CRB1: variants seen among roughly 807,000 people sequenced by gnomAD.
The protein encoded by CRB1 is crumbs cell polarity complex component 1.
A neutral mutation model predicts 120.0 loss-of-function variants in CRB1; 83 were observed. The ratio of observed to expected loss-of-function variants is 0.69; its 90% CI spans 0.58 to 0.83. The LOEUF is 0.83. CRB1 is among the 40% of genes least tolerant of loss of function. CRB1 has a pLI of 0.00. For missense variants in CRB1, 1,699 were observed against 1,687.6 expected, an observed-to-expected ratio of 1.01 and a Z score of -0.12; for synonymous variants, 625 against 612.5, an observed-to-expected ratio of 1.02 and a Z score of -0.30.
chr1:197,223,350 T>C, the CRB1 span: 1 of 530,986 alleles, frequency 1.9e-6, no homozygotes, highest in South Asian at 2.2e-5. Context: ...TAGCATACTT[T>C]AAATTTATTA....
chr1:197,250,983 T>C, the CRB1 span, among the ~76,000 whole-genome samples: 1 of 152,108 alleles, frequency 6.6e-6, no homozygotes, highest in Non-Finnish European at 1.5e-5. Context: ...TTACTTTATA[T>C]TGAAGTTTTA....
intron 1 of CRB1, among the ~76,000 whole-genome samples, chr1:197,299,026 A>G (rs1320110691): frequency 1.3e-5 from 2 of 152,156 alleles, no homozygotes; most frequent in East Asian, 1.9e-4. Context: ...TAAATTAACT[A>G]TAATAGTCAA....
chr1:197,389,122 T>C (rs1482332275), intron 5 of CRB1, among the ~76,000 whole-genome samples: 4 of 152,124 alleles, frequency 2.6e-5, no homozygotes, highest in South Asian at 2.1e-4. Context: ...CAAGGTATCA[T>C]GGTGAAATGC....
the CRB1 span, chr1:197,222,426 C>T: frequency 1.8e-5 from 14 of 768,304 alleles, no homozygotes; most frequent in South Asian, 1.2e-4. Flanking sequence ...TCATCGTCCT[C>T]GGGCTACCGT....
chr1:197,235,180 G>A, the CRB1 span, among the ~76,000 whole-genome samples: 4 of 152,118 alleles, frequency 2.6e-5, no homozygotes, highest in Non-Finnish European at 5.9e-5. Flanking sequence ...CAGAGACTCG[G>A]TAGGGGAACT....
chr1:197,221,649 A>G, the CRB1 span, among the ~76,000 whole-genome samples: 1 of 152,178 alleles, frequency 6.6e-6, no homozygotes, highest in African/African-American at 2.4e-5. Flanking sequence ...ATGCCTTCAT[A>G]TTTCTTGCAG....
chr1:197,349,852 G>A (rs949025266), intron 4 of CRB1, among the ~76,000 whole-genome samples: 5 of 152,056 alleles, frequency 3.3e-5, no homozygotes, highest in Non-Finnish European at 7.4e-5. Flanking sequence ...TGTAATCCCA[G>A]CACTTTGGGA....
At chr1:197,421,992 A>G (rs756712415) in intron 6 of CRB1, 36 bp downstream of exon 6, 1 of 1,598,214 alleles carries the variant, frequency 6.3e-7, no homozygotes, top group South Asian at 1.1e-5. Context: ...TAGGAGTGCC[A>G]TGCCTCAGAG....
At chr1:197,330,792 AC>A (rs71750942) in intron 2 of CRB1, among the ~76,000 whole-genome samples, 107,687 of 150,618 alleles carry the variant, frequency 0.71, 38,469 homozygotes, top group East Asian at 0.94. Context: ...ATGTTTTTGC[AC>A]CCCCCCCCAA....
chr1:197,255,965 T>TTATATATATTTATATA, the CRB1 span, among the ~76,000 whole-genome samples: 1 of 85,336 alleles, frequency 1.2e-5, no homozygotes. Context: ...ATAGAACATT[T>TTATATATATTTATATA]TATATATATA....
chr1:197,422,639 G>T (rs1255663340), intron 6 of CRB1, among the ~76,000 whole-genome samples: 2 of 152,036 alleles, frequency 1.3e-5, no homozygotes, highest in Non-Finnish European at 2.9e-5. Context: ...GTAAACCACA[G>T]TTTGCAAAGT....
At chr1:197,246,016 G>A in the CRB1 span, among the ~76,000 whole-genome samples, 3 of 152,092 alleles carry the variant, frequency 2.0e-5, no homozygotes, top group Non-Finnish European at 2.9e-5. Flanking sequence ...CACTACCATA[G>A]TGGGGAGGGG....
At chr1:197,226,563 G>T in the CRB1 span, among the ~76,000 whole-genome samples, 4 of 152,132 alleles carry the variant, frequency 2.6e-5, no homozygotes, top group East Asian at 7.7e-4. Flanking sequence ...AATATTAGGA[G>T]GAGGTCAGGC....
chr1:197,460,312 C>T (rs1179489019), intron 11 of CRB1, among the ~76,000 whole-genome samples: 1 of 151,940 alleles, frequency 6.6e-6, no homozygotes, highest in Non-Finnish European at 1.5e-5. Flanking sequence ...CTAAGTTGTG[C>T]AGATCAATAT....
chr1:197,354,297 T>C (rs1379064497), intron 4 of CRB1, among the ~76,000 whole-genome samples: 1 of 152,184 alleles, frequency 6.6e-6, no homozygotes, highest in Non-Finnish European at 1.5e-5. Context: ...GCATAAACTG[T>C]AGGGTTAAAC....
chr1:197,381,152 G>A (rs1191682883), intron 5 of CRB1, among the ~76,000 whole-genome samples: 2 of 152,092 alleles, frequency 1.3e-5, no homozygotes, highest in East Asian at 3.9e-4. Flanking sequence ...CCACTCTAGG[G>A]CCTTCAGCCA....
intron 5 of CRB1, among the ~76,000 whole-genome samples, chr1:197,404,237 G>A (rs1663214803): frequency 6.6e-6 from 1 of 151,752 alleles, no homozygotes; most frequent in African/African-American, 2.4e-5. Context: ...GCAGACCCAG[G>A]GCTCTGAGCC....
chr1:197,214,603 A>G, the CRB1 span, among the ~76,000 whole-genome samples: 8 of 152,216 alleles, frequency 5.3e-5, no homozygotes, highest in Non-Finnish European at 1.0e-4. Flanking sequence ...TTCTATAAGC[A>G]TACAACCAAT....
intron 2 of CRB1, among the ~76,000 whole-genome samples, chr1:197,335,913 C>T (rs980424410): frequency 7.6e-6 from 1 of 130,984 alleles, no homozygotes. Flanking sequence ...ATGCCTTTCT[C>T]TCTCTGCCCT....
Sources: allele counts gnomAD v4.1 joint callset (sites outside exome capture counted in the v4.1 genomes callset), GRCh38; gene constraint gnomAD v4.1.1; transcripts MANE v1.5; gene names NCBI Gene and HGNC (gene_info 2026-07-23, HGNC 2026-07-21).